CPQ: variants seen among roughly 807,000 people sequenced by gnomAD.
The protein encoded by CPQ is carboxypeptidase Q.
A neutral mutation model predicts 45.7 loss-of-function variants in CPQ; 37 were observed. That is an observed-to-expected ratio of 0.81 (90% confidence interval 0.62 to 1.07). The LOEUF is 1.07. CPQ is among the 50% of genes least tolerant of loss of function. The pLI is 0.00. For synonymous variants in CPQ, 186 were observed against 205.8 expected (o/e 0.90, Z 0.82); for missense variants, 537 against 572.9 (o/e 0.94, Z 0.64).
intron 3 of CPQ, among the ~76,000 whole-genome samples, chr8:96,863,932 C>T (rs952622225): frequency 2.6e-5 from 4 of 152,004 alleles, no homozygotes; most frequent in African/African-American, 4.8e-5. Flanking sequence ...ATGTTGGCAT[C>T]AGATAAAATT....
At chr8:97,016,680 G>T (rs1490708812) in intron 5 of CPQ, among the ~76,000 whole-genome samples, 1 of 152,170 alleles carries the variant, frequency 6.6e-6, no homozygotes, top group East Asian at 1.9e-4. Flanking sequence ...TGAGTTAGGG[G>T]AGCCTTCCCA....
At chr8:96,948,526 T>C (rs148587016) in intron 4 of CPQ, among the ~76,000 whole-genome samples, 125 of 152,284 alleles carry the variant, frequency 8.2e-4, no homozygotes, top group African/African-American at 2.6e-3. Flanking sequence ...ATTTCTACCT[T>C]CTTAAGTTGG....
chr8:96,817,491 G>A (rs1011141881), intron 2 of CPQ, among the ~76,000 whole-genome samples: 1 of 152,092 alleles, frequency 6.6e-6, no homozygotes, highest in Admixed American at 6.6e-5. Flanking sequence ...TCTGGATTAG[G>A]CTTTGGCTTA....
At position 96,757,387 on chromosome 8, in the gene CPQ, A is replaced by G. The variant is rs187144999; in HGVS notation, c.-34-27477A>G. On this transcript the variant is annotated intron_variant, in intron 1 of 7. Transcript: ENST00000220763. ...TAATAATAATAATAATAATAATAAT[A>G]ATAATAATAATAATTTCTTATTAGT... Among the ~76,000 whole-genome samples, 955 of 144,220 alleles carry G rather than the reference A, an allele frequency of 6.6e-3. 16 individuals are homozygous for G. Among genetic ancestry groups the G allele is most frequent in the African/African-American group, 0.023 (914 of 39,982 alleles). 94.6% of individuals were successfully genotyped at this position (144,220 alleles called of 152,430 possible). A position where few individuals can be genotyped will look rare whatever the true frequency, so the allele number is the denominator to read the frequency against.
chr8:96,724,847 A>G (rs1427739952), intron 1 of CPQ, among the ~76,000 whole-genome samples: 1 of 152,180 alleles, frequency 6.6e-6, no homozygotes, highest in African/African-American at 2.4e-5. Flanking sequence ...ACATTATCCA[A>G]CTTGTTTATA....
At chr8:97,053,533 G>A (rs1156422970) in intron 6 of CPQ, among the ~76,000 whole-genome samples, 1 of 152,172 alleles carries the variant, frequency 6.6e-6, no homozygotes, top group African/African-American at 2.4e-5. Context: ...CAAAGGTGCT[G>A]CTGGAGGCCA....
chr8:96,806,729 G>A (rs1234946605), intron 2 of CPQ, among the ~76,000 whole-genome samples: 2 of 152,200 alleles, frequency 1.3e-5, no homozygotes, highest in Admixed American at 6.5e-5. Flanking sequence ...AAGTATAAAT[G>A]CATTCATTCA....
At chr8:97,001,257 C>A (rs888358500) in intron 5 of CPQ, among the ~76,000 whole-genome samples, 7 of 152,190 alleles carry the variant, frequency 4.6e-5, no homozygotes, top group African/African-American at 1.7e-4. Flanking sequence ...ATTGCCCTGG[C>A]CTGAGCTTCC....
intron 5 of CPQ, among the ~76,000 whole-genome samples, chr8:96,977,247 A>G (rs1474004171): frequency 6.6e-6 from 1 of 152,092 alleles, no homozygotes; most frequent in African/African-American, 2.4e-5. Flanking sequence ...AGAATGCTCA[A>G]CATCACTAAT....
chr8:96,926,377 G>A (rs377153529), intron 4 of CPQ, among the ~76,000 whole-genome samples: 21 of 152,022 alleles, frequency 1.4e-4, no homozygotes, highest in Non-Finnish European at 1.9e-4. Flanking sequence ...TGGGAGTGAG[G>A]GAATCTTTCT....
intron 1 of CPQ, among the ~76,000 whole-genome samples, chr8:96,748,724 C>T (rs575199051): frequency 1.3e-5 from 2 of 152,092 alleles, no homozygotes; most frequent in East Asian, 3.9e-4. Flanking sequence ...AAGAGTATTC[C>T]ACATATCAAT....
At chr8:96,815,076 A>G (rs1652669365) in intron 2 of CPQ, among the ~76,000 whole-genome samples, 1 of 151,976 alleles carries the variant, frequency 6.6e-6, no homozygotes, top group Admixed American at 6.6e-5. Flanking sequence ...GGTGATTAAA[A>G]CCTTTCAAAA....
chr8:96,892,282 C>T (rs1208415414), intron 4 of CPQ, among the ~76,000 whole-genome samples: 2 of 152,200 alleles, frequency 1.3e-5, no homozygotes, highest in Non-Finnish European at 2.9e-5. Context: ...TCATTCCATA[C>T]ATAACTGAAT....
In CPQ at chr8:96,695,184, T is replaced by C. The variant is rs547572513; in HGVS notation, c.-35+49782T>C. ...TGACAAACCTGAGAAAAACAAGCAATGGGGAAAGGATTCCCTATTTAATAT... is the reference window on the plus strand; with the variant it reads ...TGACAAACCTGAGAAAAACAAGCAACGGGGAAAGGATTCCCTATTTAATAT... On this transcript the variant is annotated intron_variant, in intron 1 of 7. Coordinates refer to ENST00000220763, the MANE Select transcript of CPQ (RefSeq NM_016134.4). Among the ~76,000 whole-genome samples, 3 of 150,096 alleles carry C rather than the reference T, an allele frequency of 2.0e-5. No homozygotes were observed. The East Asian group carries it at 5.8e-4, about 29-fold the overall frequency.
At chr8:96,937,525 G>C (rs1285661173) in intron 4 of CPQ, among the ~76,000 whole-genome samples, 1 of 152,136 alleles carries the variant, frequency 6.6e-6, no homozygotes. Flanking sequence ...GGAGATAGTA[G>C]TACTGGAAGT....
chr8:96,886,345 C>T (rs901173720), intron 4 of CPQ, among the ~76,000 whole-genome samples: 4 of 152,084 alleles, frequency 2.6e-5, no homozygotes, highest in Non-Finnish European at 5.9e-5. Context: ...AGAATAAATC[C>T]GAGTAGGTGA....
In CPQ at chr8:96,784,915, C is replaced by T. The variant is rs765822863; in HGVS notation, c.18C>T (p.Phe6=). 60 of 1,598,502 alleles carry T rather than the reference C, an allele frequency of 3.8e-5. No homozygotes were observed. The highest frequency in any genetic ancestry group is 5.4e-5 in the African/African-American group (4 of 73,538). Residue 6 remains phenylalanine (F), a synonymous_variant, in exon 2 of 8, where the codon TTC becomes TTT. Transcript: ENST00000220763. ...AAAAAAAAATGAAATTCCTTATCTT[C>T]GCATTTTTCGGTGGTGTTCACCTTT... The part of the protein sequence containing the change: MKFLI[F]AFFGGVHLLS...
intron 5 of CPQ, among the ~76,000 whole-genome samples, chr8:96,971,536 T>C (rs1432011263): frequency 6.6e-6 from 1 of 152,184 alleles, no homozygotes; most frequent in Non-Finnish European, 1.5e-5. Flanking sequence ...CCTATTGCCA[T>C]GTTGGATACG....
intron 1 of CPQ, among the ~76,000 whole-genome samples, chr8:96,698,618 TA>T (rs1306092073): frequency 6.6e-6 from 1 of 152,004 alleles, no homozygotes; most frequent in Non-Finnish European, 1.5e-5. Context: ...TTAATAGCCA[TA>T]ATATGTAAGC....
Sources: allele counts gnomAD v4.1 joint callset (sites outside exome capture counted in the v4.1 genomes callset), GRCh38; gene constraint gnomAD v4.1.1; transcripts MANE v1.5; gene names NCBI Gene and HGNC (gene_info 2026-07-23, HGNC 2026-07-21).